The following HDX variants were observed in gnomAD, a reference collection of about 807,000 sequenced individuals.
HDX encodes the protein chromosome X open reading frame 43.
In HDX, 19 loss-of-function variants were observed where a neutral mutation model predicts 45.2. The ratio of observed to expected loss-of-function variants is 0.42; its 90% CI spans 0.29 to 0.62. The LOEUF (loss-of-function observed/expected upper bound fraction) is 0.62. Among genes scored for constraint, HDX ranks in the 20% least tolerant of loss-of-function variants. HDX has a pLI of 0.20. For missense variants in HDX, 532 were observed against 493.9 expected, an observed-to-expected ratio of 1.08 and a Z score of -0.73; for synonymous variants, 188 against 172.8, an observed-to-expected ratio of 1.09 and a Z score of -0.69.
intron 5 of HDX, among the ~76,000 whole-genome samples, chrX:84,435,702 G>A (rs1192223842): frequency 3.7e-5 from 4 of 108,181 alleles, no homozygotes; most frequent in South Asian, 8.2e-4. Flanking sequence ...TAGGTCTAAC[G>A]TTTAAATCTT....
At chrX:84,487,179 T>G (rs2040812733) in intron 2 of HDX, among the ~76,000 whole-genome samples, 1 of 112,111 alleles carries the variant, frequency 8.9e-6, no homozygotes, top group South Asian at 3.7e-4. Context: ...AATTTCCATT[T>G]AGTATTATTT....
chrX:84,380,583 T>A (rs1215285282), intron 5 of HDX, among the ~76,000 whole-genome samples: 1 of 111,434 alleles, frequency 9.0e-6, no homozygotes, highest in African/African-American at 3.2e-5. Flanking sequence ...TGAAAATCAG[T>A]CAATGTGATA....
At chrX:84,349,609 G>GTATATATATATATATA in intron 6 of HDX, among the ~76,000 whole-genome samples, 1 of 77,566 alleles carries the variant, frequency 1.3e-5, no homozygotes, top group Non-Finnish European at 2.4e-5. Context: ...ATGTGTGTGT[G>GTATATATATATATATA]TATATATATA....
intron 5 of HDX, among the ~76,000 whole-genome samples, chrX:84,364,257 G>T (rs2037687058): frequency 9.1e-6 from 1 of 110,260 alleles, no homozygotes; most frequent in Non-Finnish European, 1.9e-5. Context: ...CCTTTTGAGT[G>T]CAGTGTTGAA....
intron 4 of HDX, among the ~76,000 whole-genome samples, chrX:84,451,932 G>T (rs1430128199): frequency 9.0e-6 from 1 of 111,406 alleles, no homozygotes; most frequent in Non-Finnish European, 1.9e-5. Context: ...AAGCCTTGTT[G>T]TCTCAATAGA....
intron 4 of HDX, among the ~76,000 whole-genome samples, chrX:84,459,754 T>A (rs2040196510): frequency 9.0e-6 from 1 of 111,374 alleles, no homozygotes; most frequent in Non-Finnish European, 1.9e-5. Flanking sequence ...AGTTAAAAGT[T>A]GGTTTTTAAA....
rs1026441272 is a variant in HDX, at chrX:84,320,935, C to G, written c.*954G>C. On this transcript the variant is annotated 3_prime_UTR_variant, in exon 11 of 11. Coordinates refer to ENST00000373177, the MANE Select transcript of HDX (RefSeq NM_001177479.2). ...ACTATCCTTGGCTGATGGCTCTGTA[C>G]AGGCCTCATATGGAAATGAGGTAAA... is the stretch of plus-strand genomic sequence containing the variant. 9.9e-5 allele frequency: 11 copies of G among 110,694 alleles called. No homozygotes were observed. Among genetic ancestry groups the G allele is most frequent in the African/African-American group, 2.9e-4 (9 of 30,630 alleles). The allele number at this position is 110,694 out of a possible 1,213,427, so 9.1% of individuals were successfully genotyped here. A position where few individuals can be genotyped will look rare whatever the true frequency, so the allele number is the denominator to read the frequency against.
intron 10 of HDX, among the ~76,000 whole-genome samples, chrX:84,322,572 T>C (rs1382425052): frequency 2.7e-5 from 3 of 110,843 alleles, no homozygotes; most frequent in African/African-American, 9.8e-5. Flanking sequence ...TGTTCATACC[T>C]ACAGATGGCC....
chrX:84,491,860 T>C (rs1437529144), intron 1 of HDX, among the ~76,000 whole-genome samples: 1 of 111,707 alleles, frequency 9.0e-6, no homozygotes, highest in Non-Finnish European at 1.9e-5. Context: ...CTATTCCTGG[T>C]CCTCCGTGAG....
intron 9 of HDX, among the ~76,000 whole-genome samples, chrX:84,333,357 T>C (rs1209377868): frequency 8.9e-6 from 1 of 111,732 alleles, no homozygotes; most frequent in Non-Finnish European, 1.9e-5. Flanking sequence ...TGTATTATCA[T>C]ATTTTTAAAA....
chrX:84,343,257 A>T (rs1275135187), intron 7 of HDX, among the ~76,000 whole-genome samples: 2 of 110,438 alleles, frequency 1.8e-5, no homozygotes, highest in African/African-American at 6.6e-5. Context: ...TTTAAAATGA[A>T]TGATTTTATT....
intron 5 of HDX, among the ~76,000 whole-genome samples, chrX:84,432,177 C>A (rs762676654): frequency 3.6e-5 from 4 of 111,324 alleles, no homozygotes; most frequent in Non-Finnish European, 7.6e-5. Context: ...GCTCTCTATT[C>A]TGTTCCATTG....
In HDX at chrX:84,468,541, C is replaced by T. The variant is rs767602670; in HGVS notation, c.1182G>A (p.Arg394=). The T allele has an allele frequency of 8.5e-7, 1 of 1,180,650 alleles. No homozygotes were observed. The highest frequency in any genetic ancestry group is 1.2e-6 in the Non-Finnish European group (1 of 869,439). ...ATGCAAAATGAGGAGAAAAATTACT[C>T]CGTAATGGATTGGTATTACTGTACA... The part of the protein sequence containing the change: ...STMYSNTNPL[R]SNFSPHFASS... Residue 394 remains arginine (R), a synonymous_variant, in exon 4 of 11, where the codon CGG becomes CGA. Transcript: ENST00000373177.
At position 84,473,716 on chromosome X, in the gene HDX, A is replaced by AT. The variant is rs200059612; in HGVS notation, c.147+1534dup. 4.5e-3 allele frequency among the ~76,000 whole-genome samples: 495 copies of AT among 110,192 alleles called. 2 individuals carry two copies. The highest frequency in any genetic ancestry group is 0.015 in the African/African-American group (457 of 30,242). ...TATGAAAGATTTCACAATATGAAAG[A>AT]TTTTCACAATGCAGCTGCCTGGCAA... On this transcript the variant is annotated intron_variant, in intron 3 of 10. Transcript: ENST00000373177.
intron 6 of HDX, among the ~76,000 whole-genome samples, chrX:84,348,617 AT>A (rs1407611291): frequency 1.8e-5 from 2 of 111,727 alleles, no homozygotes; most frequent in African/African-American, 6.5e-5. Flanking sequence ...AGAACTAGGC[AT>A]TTGGCGATGT....
chrX:84,465,698 A>G (rs896805933), intron 4 of HDX, among the ~76,000 whole-genome samples: 5 of 112,051 alleles, frequency 4.5e-5, no homozygotes, highest in Admixed American at 9.4e-5. Flanking sequence ...GAGGGATAGC[A>G]TTAGGAGAAA....
intron 5 of HDX, among the ~76,000 whole-genome samples, chrX:84,362,442 G>GT (rs536462643): frequency 6.4e-5 from 7 of 109,073 alleles, no homozygotes; most frequent in East Asian, 2.9e-4. Flanking sequence ...TTTTCTAGTT[G>GT]TTTTTTTTTC....
chrX:84,460,706 C>CA (rs1815329192), intron 4 of HDX, among the ~76,000 whole-genome samples: 1 of 111,550 alleles, frequency 9.0e-6, no homozygotes, highest in Non-Finnish European at 1.9e-5. Context: ...CTAGAGCAAT[C>CA]AACCAAGAGA....
At chrX:84,432,146 G>A (rs1427813243) in intron 5 of HDX, among the ~76,000 whole-genome samples, 4 of 111,159 alleles carry the variant, frequency 3.6e-5, no homozygotes, top group African/African-American at 1.3e-4. Flanking sequence ...GATGGTTGTA[G>A]GTATGCAACA....
Sources: gnomAD v4.1 joint callset for allele counts (sites outside exome capture counted in the v4.1 genomes callset) on GRCh38, gnomAD v4.1.1 for gene constraint, MANE v1.5 for transcripts, NCBI Gene and HGNC (gene_info 2026-07-23, HGNC 2026-07-21) for gene names.